TYW1B: variants seen among roughly 807,000 people sequenced by gnomAD.
TYW1B encodes S-adenosyl-L-methionine-dependent tRNA 4-demethylwyosine synthase TYW1B.
In TYW1B, 73 loss-of-function variants were observed where a neutral mutation model predicts 86.9. The observed-to-expected ratio is 0.84, with a 90% confidence interval of 0.70 to 1.02. The LOEUF (loss-of-function observed/expected upper bound fraction) is 1.02. Among genes scored for constraint, TYW1B ranks in the 50% least tolerant of loss-of-function variants. TYW1B has a pLI of 0.00. For synonymous variants in TYW1B, 248 were observed against 292.8 expected, an observed-to-expected ratio of 0.85 and a Z score of 1.56; for missense variants, 637 against 827.4, an observed-to-expected ratio of 0.77 and a Z score of 2.82.
At chr7:72,787,772 A>G (rs2129572215) in intron 6 of TYW1B, among the ~76,000 whole-genome samples, 1 of 143,470 alleles carries the variant, frequency 7.0e-6, no homozygotes, top group Non-Finnish European at 1.5e-5. Context: ...TCCATCTCCA[A>G]AAAAAAGAAA....
At chr7:72,728,271 T>C (rs559064440) in intron 9 of TYW1B, among the ~76,000 whole-genome samples, 1 of 152,350 alleles carries the variant, frequency 6.6e-6, no homozygotes, top group East Asian at 1.9e-4. Flanking sequence ...ATCTTTCAAG[T>C]TGAATGCAGC....
In TYW1B at chr7:72,632,355, T is replaced by TTA. The variant is rs1384285974; in HGVS notation, c.1507-3360_1507-3359dup. 5.0e-4 allele frequency among the ~76,000 whole-genome samples: 59 copies of TTA among 117,898 alleles called. 1 individual carries two copies. Among genetic ancestry groups the TTA allele is most frequent in the Admixed American group, 3.0e-4 (3 of 9,920 alleles). The allele number at this position is 117,898 out of a possible 152,430, so 77.3% of individuals were successfully genotyped here. ...TATACACGTATATATATTATATATA[T>TTA]TATATATATACGCATATATATTATA... On this transcript the variant is annotated intron_variant, in intron 11 of 13. Coordinates refer to ENST00000620995, the MANE Select transcript of TYW1B (RefSeq NM_001145440.3).
chr7:72,692,013 C>T (rs1222134945), intron 11 of TYW1B, among the ~76,000 whole-genome samples: 5 of 151,490 alleles, frequency 3.3e-5, no homozygotes, highest in African/African-American at 1.2e-4. Flanking sequence ...TGAGACCAGC[C>T]TGGCCAACAT....
intron 9 of TYW1B, among the ~76,000 whole-genome samples, chr7:72,727,811 CAAAAA>C (rs10714290): frequency 4.0e-4 from 43 of 107,662 alleles, no homozygotes; most frequent in African/African-American, 8.9e-4. Context: ...AGATCCGGTC[CAAAAA>C]AAAAAAAAAA....
chr7:72,597,973 G>A (rs1419375648), intron 13 of TYW1B, among the ~76,000 whole-genome samples: 1 of 152,112 alleles, frequency 6.6e-6, no homozygotes, highest in Non-Finnish European at 1.5e-5. Context: ...AAAGGAAAAA[G>A]AACAGATTAA....
chr7:72,793,417 G>C (rs1341292696), intron 6 of TYW1B, among the ~76,000 whole-genome samples: 1 of 151,860 alleles, frequency 6.6e-6, no homozygotes, highest in Non-Finnish European at 1.5e-5. Flanking sequence ...AAAAATTTTC[G>C]AAGAAATATC....
chr7:72,643,773 CAACTT>C (rs1812859496), intron 11 of TYW1B, among the ~76,000 whole-genome samples: 1 of 152,064 alleles, frequency 6.6e-6, no homozygotes, highest in African/African-American at 2.4e-5. Flanking sequence ...AAAGAAAACA[CAACTT>C]AATAAAATTG....
chr7:72,612,731 A>C (rs1356487161), intron 13 of TYW1B, among the ~76,000 whole-genome samples: 6 of 152,106 alleles, frequency 3.9e-5, no homozygotes, highest in African/African-American at 1.4e-4. Context: ...GCAAATATAA[A>C]ACAAAAACCA....
At chr7:72,771,878 G>A (rs10251457) in intron 7 of TYW1B, among the ~76,000 whole-genome samples, 1,892 of 148,528 alleles carry the variant, frequency 0.013, 33 homozygotes, top group African/African-American at 0.044. Flanking sequence ...AGACAGTCCC[G>A]CTCTGTCACC....
chr7:72,807,036 C>A (rs1554476814), intron 5 of TYW1B, 30 bp downstream of exon 5: 1 of 1,600,440 alleles, frequency 6.2e-7, no homozygotes, highest in Non-Finnish European at 8.5e-7. Flanking sequence ...AGGGGGAAAG[C>A]ATCAAGAGAT....
chr7:72,614,056 G>A (rs112465587), intron 13 of TYW1B, among the ~76,000 whole-genome samples: 5,959 of 126,744 alleles, frequency 0.047, no homozygotes, highest in African/African-American at 0.062. Context: ...GAGAGAGAAC[G>A]GGAGCAAAAG....
At chr7:72,595,736 A>G (rs1232014612) in intron 13 of TYW1B, among the ~76,000 whole-genome samples, 1 of 152,154 alleles carries the variant, frequency 6.6e-6, no homozygotes, top group African/African-American at 2.4e-5. Context: ...AGATAGCATC[A>G]AAAATAATAA....
chr7:72,756,201 T>TTTTTTATTTTATTTTATTTTA (rs1381484640), intron 7 of TYW1B, among the ~76,000 whole-genome samples: 2 of 138,788 alleles, frequency 1.4e-5, no homozygotes, highest in Admixed American at 1.4e-4. Flanking sequence ...GTTTATTATT[T>TTTTTTATTTTATTTTATTTTA]TTTTATTTTA....
intron 5 of TYW1B, among the ~76,000 whole-genome samples, chr7:72,805,704 T>G (rs1430577555): frequency 6.6e-6 from 1 of 151,522 alleles, no homozygotes; most frequent in Non-Finnish European, 1.5e-5. Context: ...GATGTGCCTA[T>G]GTAAGGGAGA....
At chr7:72,726,800 T>TA (rs1263521952) in intron 9 of TYW1B, among the ~76,000 whole-genome samples, 1 of 151,888 alleles carries the variant, frequency 6.6e-6, no homozygotes. Context: ...GGAGACGGGG[T>TA]AATTTATAAA....
intron 9 of TYW1B, among the ~76,000 whole-genome samples, chr7:72,722,341 G>A (rs1786920078): frequency 6.6e-6 from 1 of 152,166 alleles, no homozygotes; most frequent in Admixed American, 6.6e-5. Context: ...TAGTACTGAG[G>A]ACGTTCCTGA....
At chr7:72,722,333 G>A (rs1161281129) in intron 9 of TYW1B, among the ~76,000 whole-genome samples, 1 of 152,152 alleles carries the variant, frequency 6.6e-6, no homozygotes, top group Non-Finnish European at 1.5e-5. Context: ...TGCAGCTTTA[G>A]TACTGAGGAC....
chr7:72,777,313 T>C, intron 7 of TYW1B, 103 bp downstream of exon 7: 1 of 1,375,424 alleles, frequency 7.3e-7, no homozygotes, highest in East Asian at 2.3e-5. Flanking sequence ...TATCTGCCAC[T>C]ATGAACAGCT....
chr7:72,783,775 G>C (rs572752601), intron 6 of TYW1B, among the ~76,000 whole-genome samples: 148 of 152,278 alleles, frequency 9.7e-4, no homozygotes, highest in African/African-American at 3.4e-3. Context: ...AGACAACATG[G>C]GGACTCATTG....
Sources: allele counts gnomAD v4.1 joint callset (sites outside exome capture counted in the v4.1 genomes callset), GRCh38; gene constraint gnomAD v4.1.1; transcripts MANE v1.5; gene names NCBI Gene and HGNC (gene_info 2026-07-23, HGNC 2026-07-21).